Variants in TACR1 observed in about 807,000 individuals in gnomAD.
TACR1 encodes the protein tachykinin receptor 1, also known as substance-P receptor.
In TACR1, 25 loss-of-function variants were observed where a neutral mutation model predicts 35.8. The observed-to-expected ratio is 0.70, with a 90% CI of 0.51 to 0.98. TACR1 has a LOEUF of 0.98. TACR1 is among the 50% of genes least tolerant of loss of function. The pLI, the probability that TACR1 is intolerant of heterozygous loss-of-function variation, is 0.00. For missense variants in TACR1, 478 were observed against 522.9 expected (o/e 0.91, Z 0.84); for synonymous variants, 195 against 206.7 (o/e 0.94, Z 0.48).
intron 1 of TACR1, among the ~76,000 whole-genome samples, chr2:75,132,605 C>T (rs2103932101): frequency 6.6e-6 from 1 of 152,174 alleles, no homozygotes; most frequent in East Asian, 1.9e-4. Flanking sequence ...TTTGCTTCTG[C>T]AGGTTCTCAC....
chr2:75,066,231 C>A (rs1672759816), intron 2 of TACR1, among the ~76,000 whole-genome samples: 1 of 152,290 alleles, frequency 6.6e-6, no homozygotes, highest in East Asian at 1.9e-4. Flanking sequence ...ATATTGCTAA[C>A]CTCCTTTCAA....
chr2:75,154,677 C>T (rs1259040533), intron 1 of TACR1: 1 of 152,540 alleles, frequency 6.6e-6, no homozygotes, highest in African/African-American at 2.4e-5. Flanking sequence ...GTTAGGCCCT[C>T]GTGCATGTTG....
At chr2:75,071,945 A>G (rs1198374726) in intron 2 of TACR1, among the ~76,000 whole-genome samples, 1 of 152,222 alleles carries the variant, frequency 6.6e-6, no homozygotes, top group African/African-American at 2.4e-5. Flanking sequence ...GATGGAGACA[A>G]AAGCCAGATA....
chr2:75,062,140 A>G (rs1672684274), intron 2 of TACR1, among the ~76,000 whole-genome samples: 1 of 152,132 alleles, frequency 6.6e-6, no homozygotes, highest in Non-Finnish European at 1.5e-5. Flanking sequence ...CGTCCTCCTC[A>G]GAAATTGGCC....
chr2:75,181,262 A>T (rs1021119903), intron 1 of TACR1, among the ~76,000 whole-genome samples: 1 of 152,208 alleles, frequency 6.6e-6, no homozygotes, highest in Non-Finnish European at 1.5e-5. Context: ...AAAAACAAAT[A>T]TGAATTTAAA....
At chr2:75,151,795 C>T (rs770348469) in intron 1 of TACR1, among the ~76,000 whole-genome samples, 1 of 146,114 alleles carries the variant, frequency 6.8e-6, no homozygotes, top group Non-Finnish European at 1.5e-5. Flanking sequence ...AGACACTCAA[C>T]ACCAGCCTGT....
Position 75,049,290 on chromosome 2 carries a change from T to G in TACR1, c.*142A>C. The G allele has an allele frequency of 1.1e-6, 1 of 893,772 alleles. No homozygotes were observed. Among genetic ancestry groups the G allele is most frequent in the South Asian group, 1.8e-5 (1 of 55,030 alleles). The allele number at this position is 893,772 out of a possible 1,614,324, so 55.4% of individuals were successfully genotyped here. ...GAGATTTTTTGACTCAAGGATGGAA[T>G]GTTTTCCCTAACCCATACTGACCCT... On this transcript the variant is annotated 3_prime_UTR_variant, in exon 5 of 5. Coordinates refer to ENST00000305249, the MANE Select transcript of TACR1 (RefSeq NM_001058.4).
At chr2:75,122,717 G>T (rs891175880) in intron 1 of TACR1, among the ~76,000 whole-genome samples, 2 of 152,126 alleles carry the variant, frequency 1.3e-5, no homozygotes, top group African/African-American at 4.8e-5. Flanking sequence ...ATACTATAAA[G>T]CCTATCACTC....
chr2:75,130,315 C>A (rs1323781005), intron 1 of TACR1, among the ~76,000 whole-genome samples: 1 of 152,128 alleles, frequency 6.6e-6, no homozygotes, highest in Non-Finnish European at 1.5e-5. Context: ...TGCTGCTGCC[C>A]CTGCCAGGCA....
Position 75,100,869 on chromosome 2 carries a change from T to C in TACR1, c.584+19705A>G, listed in dbSNP as rs144108449. ...GCAACCTTCAATTCACTGAATATTT[T>C]TGGTAACATAAATGTGTCCCCTGAA... is the stretch of plus-strand genomic sequence containing the variant. On this transcript the variant is annotated intron_variant, in intron 2 of 4. Coordinates refer to ENST00000305249, the MANE Select transcript of TACR1 (RefSeq NM_001058.4). Among the ~76,000 whole-genome samples the C allele has an allele frequency of 2.6e-5, 4 of 152,338 alleles. No homozygotes were observed. The East Asian group carries it at 7.7e-4, about 29-fold the overall frequency.
chr2:75,156,253 G>C (rs987196350), intron 1 of TACR1: 1 of 152,114 alleles, frequency 6.6e-6, no homozygotes, highest in Non-Finnish European at 1.5e-5. Flanking sequence ...AACAAGTGGA[G>C]ACTGGAATTA....
chr2:75,152,519 G>T (rs1208005529), intron 1 of TACR1, among the ~76,000 whole-genome samples: 1 of 152,168 alleles, frequency 6.6e-6, no homozygotes, highest in Non-Finnish European at 1.5e-5. Flanking sequence ...GCCATGTGGA[G>T]CTGTAAGTCC....
At chr2:75,090,158 G>C (rs1558549455) in intron 2 of TACR1, among the ~76,000 whole-genome samples, 2 of 152,138 alleles carry the variant, frequency 1.3e-5, no homozygotes, top group Non-Finnish European at 2.9e-5. Context: ...GCCCTCCCCT[G>C]AATGTCCATC....
At chr2:75,121,511 A>G (rs1673971322) in intron 1 of TACR1, among the ~76,000 whole-genome samples, 1 of 152,218 alleles carries the variant, frequency 6.6e-6, no homozygotes, top group Non-Finnish European at 1.5e-5. Context: ...CCATCGCTTC[A>G]TTCCTGGGCT....
In TACR1 at chr2:75,193,715, C is replaced by T. The variant is rs531678795; in HGVS notation, c.389+4831G>A. Among the ~76,000 whole-genome samples, 10 of 152,188 alleles carry T rather than the reference C, an allele frequency of 6.6e-5. No individual in the cohort carries two copies. The South Asian group carries it at 1.5e-3, about 22-fold the overall frequency. On this transcript the variant is annotated intron_variant, in intron 1 of 4. Coordinates refer to ENST00000305249, the MANE Select transcript of TACR1 (RefSeq NM_001058.4). ...AATCTTCAAGGCCTAACTCAGTTGCCCTATCTTGAGGTCTTCCTTGATCAT... is the reference window on the plus strand; with the variant it reads ...AATCTTCAAGGCCTAACTCAGTTGCTCTATCTTGAGGTCTTCCTTGATCAT...
At chr2:75,146,917 T>C (rs3771835) in intron 1 of TACR1, among the ~76,000 whole-genome samples, 71,406 of 152,118 alleles carry the variant, frequency 0.47, 17,607 homozygotes, top group Non-Finnish European at 0.54. Context: ...TCCCCATCAC[T>C]TCTTCTGTGG....
In TACR1 at chr2:75,049,708, G is replaced by A; in HGVS notation, c.948C>T (p.Phe316=). 2 of 1,613,484 alleles carry A rather than the reference G, an allele frequency of 1.2e-6. No individual in the cohort carries two copies. Among genetic ancestry groups the A allele is most frequent in the East Asian group, 2.2e-5 (1 of 44,864 alleles). The change falls in exon 5 of 5, where the codon TTC becomes TTT. Residue 316 remains phenylalanine (F), a synonymous_variant. Transcript: ENST00000305249. ...AGGGGCAGCACCGGAAGGCATGCTT[G>A]AAGCCCAGACGGAACCTGGAGAGCG... is the stretch of plus-strand genomic sequence containing the variant. ...CCLNDRFRLG[F]KHAFRCCPFI... is the part of the protein sequence containing the mutation.
intron 2 of TACR1, among the ~76,000 whole-genome samples, chr2:75,097,724 A>C (rs1239200447): frequency 6.6e-6 from 1 of 152,114 alleles, no homozygotes; most frequent in African/African-American, 2.4e-5. Context: ...AATCCAAGAG[A>C]TATTTTGTTT....
intron 1 of TACR1, chr2:75,154,491 C>CACACACACACACACAT (rs1674783878): frequency 9.6e-6 from 1 of 103,814 alleles, no homozygotes; most frequent in Admixed American, 9.4e-5. Flanking sequence ...TAACCCACCA[C>CACACACACACACACAT]ACACACACAC....
Sources: allele counts gnomAD v4.1 joint callset (sites outside exome capture counted in the v4.1 genomes callset), GRCh38; gene constraint gnomAD v4.1.1; transcripts MANE v1.5; gene names NCBI Gene and HGNC (gene_info 2026-07-23, HGNC 2026-07-21).